The following ZMIZ1 variants were observed in gnomAD, a reference collection of about 807,000 sequenced individuals.
ZMIZ1 encodes the protein zinc finger MIZ domain-containing protein 1.
ZMIZ1 carries 17 observed loss-of-function variants against 113.9 expected under a neutral mutation model. That is an observed-to-expected ratio of 0.15 (90% CI 0.10 to 0.22). The LOEUF (loss-of-function observed/expected upper bound fraction) is 0.22, where lower values mean the gene tolerates loss of function less well. Ranked by LOEUF, ZMIZ1 falls within the 10% of genes least tolerant of loss-of-function variation. The pLI is 1.00. For synonymous variants in ZMIZ1, 607 were observed against 603.1 expected (o/e 1.01, Z -0.09); for missense variants, 1,059 against 1,477.8 (o/e 0.72, Z 4.65).
intron 4 of ZMIZ1, among the ~76,000 whole-genome samples, chr10:79,201,322 G>A (rs754575374): frequency 8.5e-5 from 13 of 152,126 alleles, no homozygotes; most frequent in Non-Finnish European, 1.5e-4. Flanking sequence ...AAAAAGAAAA[G>A]AGAAGAAATG....
intron 1 of ZMIZ1, among the ~76,000 whole-genome samples, chr10:79,093,920 A>C (rs548439313): frequency 1.3e-5 from 2 of 152,210 alleles, no homozygotes; most frequent in African/African-American, 4.8e-5. Flanking sequence ...GATTTTTATC[A>C]GCTCGAGCAA....
intron 3 of ZMIZ1, among the ~76,000 whole-genome samples, chr10:79,155,746 C>A (rs1329829028): frequency 6.6e-6 from 1 of 152,226 alleles, no homozygotes; most frequent in Admixed American, 6.5e-5. Context: ...GCCTCTGCCC[C>A]ACGAATGCAG....
intron 3 of ZMIZ1, among the ~76,000 whole-genome samples, chr10:79,152,501 A>G (rs1182356847): frequency 6.6e-6 from 1 of 152,226 alleles, no homozygotes; most frequent in Non-Finnish European, 1.5e-5. Context: ...CTCTGTCTCA[A>G]AAAAAGAAAA....
intron 7 of ZMIZ1, among the ~76,000 whole-genome samples, chr10:79,220,715 G>T (rs574847645): frequency 6.6e-6 from 1 of 152,288 alleles, no homozygotes; most frequent in South Asian, 2.1e-4. Context: ...CTGCCTTCCT[G>T]GGTTTCTCTG....
At chr10:79,116,155 G>A (rs1844018282) in intron 1 of ZMIZ1, among the ~76,000 whole-genome samples, 1 of 152,012 alleles carries the variant, frequency 6.6e-6, no homozygotes, top group Non-Finnish European at 1.5e-5. Context: ...CTCCATCTCT[G>A]TGGGAGAAGC....
chr10:79,291,300 A>C, intron 10 of ZMIZ1, 124 bp downstream of exon 10: 1 of 1,240,716 alleles, frequency 8.1e-7, no homozygotes, highest in Non-Finnish European at 1.1e-6. Flanking sequence ...CTCTGTTGTT[A>C]CATGAGTTGA....
chr10:79,151,134 G>A (rs1234205913), intron 3 of ZMIZ1, among the ~76,000 whole-genome samples: 2 of 152,098 alleles, frequency 1.3e-5, no homozygotes, highest in African/African-American at 4.8e-5. Context: ...CGAGCTGAAA[G>A]CTTGTCAGCA....
At chr10:79,129,225 CTG>C (rs1353637300) in intron 2 of ZMIZ1, among the ~76,000 whole-genome samples, 1 of 152,214 alleles carries the variant, frequency 6.6e-6, no homozygotes, top group Non-Finnish European at 1.5e-5. Flanking sequence ...GATGAGGAAA[CTG>C]AGACACAGAG....
chr10:79,155,314 C>T (rs1173755200), intron 3 of ZMIZ1, among the ~76,000 whole-genome samples: 1 of 152,210 alleles, frequency 6.6e-6, no homozygotes, highest in Non-Finnish European at 1.5e-5. Flanking sequence ...GTCGGGACAG[C>T]TTTCCCCCTC....
intron 7 of ZMIZ1, among the ~76,000 whole-genome samples, chr10:79,238,123 A>T (rs997331810): frequency 3.3e-5 from 5 of 151,812 alleles, no homozygotes; most frequent in Admixed American, 6.6e-5. Flanking sequence ...CCTCTGAATG[A>T]TCATTTTGTG....
At chr10:79,260,141 C>T (rs1331057125) in intron 7 of ZMIZ1, among the ~76,000 whole-genome samples, 2 of 152,248 alleles carry the variant, frequency 1.3e-5, no homozygotes, top group African/African-American at 4.8e-5. Context: ...CATGCATACT[C>T]TGCCAGGCTT....
chr10:79,148,369 G>C (rs112829368), intron 3 of ZMIZ1, among the ~76,000 whole-genome samples: 2 of 152,316 alleles, frequency 1.3e-5, no homozygotes, highest in South Asian at 4.1e-4. Flanking sequence ...AAGCTTAGGC[G>C]TACTTCCCCA....
chr10:79,128,058 T>C (rs1427973009), intron 2 of ZMIZ1, among the ~76,000 whole-genome samples: 4 of 152,208 alleles, frequency 2.6e-5, no homozygotes, highest in Non-Finnish European at 4.4e-5. Flanking sequence ...AGGCATTGCA[T>C]GCTCAGCTTC....
chr10:79,177,573 C>G (rs1344397087), intron 4 of ZMIZ1, among the ~76,000 whole-genome samples: 1 of 152,224 alleles, frequency 6.6e-6, no homozygotes, highest in Non-Finnish European at 1.5e-5. Context: ...CAAGGGAAGG[C>G]AGACCCGGAC....
At chr10:79,273,605 G>A (rs529423324) in intron 7 of ZMIZ1, among the ~76,000 whole-genome samples, 9 of 152,270 alleles carry the variant, frequency 5.9e-5, no homozygotes, top group Admixed American at 5.2e-4. Context: ...TGATCTGCCC[G>A]CCTCAGCCTC....
intron 4 of ZMIZ1, among the ~76,000 whole-genome samples, chr10:79,164,061 G>A (rs927156840): frequency 6.6e-6 from 1 of 152,164 alleles, no homozygotes; most frequent in Non-Finnish European, 1.5e-5. Context: ...AGAAAGCCTT[G>A]GTGGAAAAAG....
At chr10:79,142,229 AG>A (rs2132418728) in intron 3 of ZMIZ1, among the ~76,000 whole-genome samples, 1 of 152,206 alleles carries the variant, frequency 6.6e-6, no homozygotes, top group East Asian at 1.9e-4. Flanking sequence ...GGAAAGATTG[AG>A]GGGGCAGCTG....
In ZMIZ1 at chr10:79,293,569, G is replaced by A. The variant is rs979558528; in HGVS notation, c.1146G>A (p.Gly382=). 2.5e-6 allele frequency: 4 copies of A among 1,612,908 alleles called. No homozygotes were observed. Among genetic ancestry groups the A allele is most frequent in the African/African-American group, 2.7e-5 (2 of 74,938 alleles). ...PPGISPFGTH[G]QRMPQQTYPG... ...GCATCAGCCCCTTTGGCACACACGG[G>A]CAGCGGATGCCCCAGCAGACCTACC... The change falls in exon 12 of 25, where the codon GGG becomes GGA. Residue 382 remains glycine, a synonymous_variant. Transcript: ENST00000334512.
At chr10:79,134,018 T>C (rs1844885401) in intron 2 of ZMIZ1, among the ~76,000 whole-genome samples, 1 of 152,252 alleles carries the variant, frequency 6.6e-6, no homozygotes, top group Non-Finnish European at 1.5e-5. Flanking sequence ...TGCTGGTGAT[T>C]AGCTGATTAT....
Sources: allele counts gnomAD v4.1 joint callset (sites outside exome capture counted in the v4.1 genomes callset), GRCh38; gene constraint gnomAD v4.1.1; transcripts MANE v1.5; gene names NCBI Gene and HGNC (gene_info 2026-07-23, HGNC 2026-07-21).